The following SOS1 variants were observed in gnomAD, a reference collection of about 807,000 sequenced individuals.
The protein encoded by SOS1 is SOS Ras/Rac guanine nucleotide exchange factor 1, also known as son of sevenless homolog 1.
In SOS1, 25 loss-of-function variants were observed where a neutral mutation model predicts 157.6. The ratio of observed to expected loss-of-function variants is 0.16; its 90% CI spans 0.12 to 0.22. The LOEUF (loss-of-function observed/expected upper bound fraction) is 0.22. SOS1 is among the 10% of genes least tolerant of loss of function. SOS1 has a pLI of 1.00. For synonymous variants in SOS1, 528 were observed against 534.0 expected (o/e 0.99, Z 0.16); for missense variants, 1,237 against 1,599.1 (o/e 0.77, Z 3.86).
intron 1 of SOS1, among the ~76,000 whole-genome samples, chr2:39,092,103 T>G (rs769253587): frequency 6.6e-6 from 1 of 152,220 alleles, no homozygotes; most frequent in Non-Finnish European, 1.5e-5. Flanking sequence ...CTATCACTAG[T>G]GCTAAAGCCC....
At chr2:39,065,086 C>A (rs1021566261) in intron 2 of SOS1, among the ~76,000 whole-genome samples, 1 of 151,892 alleles carries the variant, frequency 6.6e-6, no homozygotes, top group Non-Finnish European at 1.5e-5. Flanking sequence ...ATGTGACCCT[C>A]AAAACTTAAG....
In SOS1 at chr2:39,062,652, G is replaced by A. The variant is rs187831083; in HGVS notation, c.214-3848C>T. Among the ~76,000 whole-genome samples the A allele has an allele frequency of 1.3e-4, 19 of 149,510 alleles. No homozygotes were observed. The East Asian group carries it at 3.5e-3, about 28-fold the overall frequency. ...GAAAAGAAAAATGTATCACTGTCCTGAGAAATCAAAGCTGGTTAAATATAG... is the reference window on the plus strand; with the variant it reads ...GAAAAGAAAAATGTATCACTGTCCTAAGAAATCAAAGCTGGTTAAATATAG... On this transcript the variant is annotated intron_variant, in intron 2 of 22. Transcript: ENST00000402219.
intron 4 of SOS1, among the ~76,000 whole-genome samples, chr2:39,056,428 A>AAAAGAAAAGAAATTAAC (rs1671215136): frequency 6.6e-6 from 1 of 152,222 alleles, no homozygotes; most frequent in Non-Finnish European, 1.5e-5. Flanking sequence ...AAAAAAAGAA[A>AAAAGAAAAGAAATTAAC]AAAGAAAAGA....
intron 1 of SOS1, among the ~76,000 whole-genome samples, chr2:39,087,168 T>TC (rs746342321): frequency 1.3e-5 from 2 of 152,162 alleles, no homozygotes; most frequent in Non-Finnish European, 2.9e-5. Flanking sequence ...AGAGGCCGCT[T>TC]CAATGCAAGG....
In SOS1 at chr2:39,058,730, C is replaced by T. The variant is rs1420865527; in HGVS notation, c.288G>A (p.Lys96=). ...AIADAQSAIE[K]RKRRNPLSLP... Reference sequence around the variant, plus strand: ...GAGATAAAGGGTTTCTTCGCTTCCTCTTTTCAATAGCTGATTGGGCATCAG... The same window carrying T: ...GAGATAAAGGGTTTCTTCGCTTCCTTTTTTCAATAGCTGATTGGGCATCAG... The change falls in exon 3 of 23, where the codon AAG becomes AAA. Residue 96 remains lysine (K), a synonymous_variant. Coordinates refer to ENST00000402219, the MANE Select transcript of SOS1 (RefSeq NM_005633.4). 2 of 1,612,732 alleles carry T rather than the reference C, an allele frequency of 1.2e-6. No homozygotes were observed. The highest frequency in any genetic ancestry group is 1.7e-6 in the Non-Finnish European group (2 of 1,179,022).
At chr2:38,999,312 G>A (rs1669010262) in intron 17 of SOS1, among the ~76,000 whole-genome samples, 1 of 152,168 alleles carries the variant, frequency 6.6e-6, no homozygotes, top group Non-Finnish European at 1.5e-5. Context: ...AAGAGTGGCA[G>A]GATATGAGGA....
Position 39,054,758 on chromosome 2 carries a change from CTCT to C in SOS1, c.573_575del (p.Glu192del), listed in dbSNP as rs1671145269. On this transcript the variant is annotated inframe_deletion, in exon 5 of 23. Transcript: ENST00000402219. ...AAGTTTGTTCTCCTGAGGTGGAAGG[CTCT>C]TCGTCAGTTAAAGATAATATATTAA... 1 of 1,591,614 alleles carries C rather than the reference CTCT, an allele frequency of 6.3e-7. No homozygotes were observed. Among genetic ancestry groups the C allele is most frequent in the African/African-American group, 1.3e-5 (1 of 74,432 alleles).
At chr2:39,053,966 C>T (rs59988245) in intron 5 of SOS1, among the ~76,000 whole-genome samples, 5,351 of 151,456 alleles carry the variant, frequency 0.035, 296 homozygotes, top group African/African-American at 0.11. Flanking sequence ...CTCGCTCTGT[C>T]GCCCAGGCTG....
chr2:39,007,840 C>T (rs536344479), intron 15 of SOS1, among the ~76,000 whole-genome samples: 20 of 152,220 alleles, frequency 1.3e-4, no homozygotes, highest in Admixed American at 1.1e-3. Flanking sequence ...CACATGCACA[C>T]GCACACACAC....
At chr2:39,064,352 G>T (rs992076614) in intron 2 of SOS1, among the ~76,000 whole-genome samples, 2 of 152,134 alleles carry the variant, frequency 1.3e-5, no homozygotes, top group East Asian at 3.9e-4. Context: ...ACCACAGTGG[G>T]GTTTAGGTTT....
At chr2:39,019,618 G>C (rs1439286503) in intron 10 of SOS1, among the ~76,000 whole-genome samples, 2 of 151,576 alleles carry the variant, frequency 1.3e-5, no homozygotes, top group Non-Finnish European at 1.5e-5. Flanking sequence ...AGACCCTGTT[G>C]CAATCTTTTA....
At chr2:39,056,537 C>A (rs111867740) in intron 4 of SOS1, among the ~76,000 whole-genome samples, 165 bp downstream of exon 4, 1 of 152,102 alleles carries the variant, frequency 6.6e-6, no homozygotes, top group East Asian at 1.9e-4. Flanking sequence ...TATTATATAT[C>A]TAATGTCTTA....
intron 6 of SOS1, among the ~76,000 whole-genome samples, chr2:39,050,064 T>C (rs1185591690): frequency 2.6e-5 from 4 of 152,228 alleles, no homozygotes; most frequent in Non-Finnish European, 5.9e-5. Context: ...TTTTTCTTTT[T>C]ATACTTTATT....
At chr2:39,003,215 CAG>C (rs1258225247) in intron 17 of SOS1, among the ~76,000 whole-genome samples, 4 of 151,618 alleles carry the variant, frequency 2.6e-5, no homozygotes, top group Non-Finnish European at 5.9e-5. Flanking sequence ...TAAGTGAAAA[CAG>C]AAATGAGAAA....
Position 39,106,153 on chromosome 2 carries a change from G to C in SOS1, c.87+14183C>G, listed in dbSNP as rs181480441. Among the ~76,000 whole-genome samples, 208 of 150,306 alleles carry C rather than the reference G, an allele frequency of 1.4e-3. 1 individual carries two copies. Among genetic ancestry groups the C allele is most frequent in the African/African-American group, 4.7e-3 (190 of 40,730 alleles). On this transcript the variant is annotated intron_variant, in intron 1 of 22. Coordinates refer to ENST00000402219, the MANE Select transcript of SOS1 (RefSeq NM_005633.4). ...GAGGTTCACTTGAGCCTAGAAGGTG[G>C]AGGCTGCAGTGAGCTGAGACTGTGC...
chr2:38,993,277 A>T (rs1308921996), intron 20 of SOS1: 1 of 152,312 alleles, frequency 6.6e-6, no homozygotes, highest in Non-Finnish European at 1.5e-5. Context: ...CTCCCACTTC[A>T]GCCTCCCAAG....
At chr2:39,096,693 GGC>G (rs1242820130) in intron 1 of SOS1, among the ~76,000 whole-genome samples, 1 of 152,064 alleles carries the variant, frequency 6.6e-6, no homozygotes, top group Non-Finnish European at 1.5e-5. Flanking sequence ...AGACCATCTT[GGC>G]TAACATGGTG....
intron 1 of SOS1, among the ~76,000 whole-genome samples, chr2:39,069,536 A>T (rs1671725216): frequency 6.6e-6 from 1 of 152,136 alleles, no homozygotes; most frequent in South Asian, 2.1e-4. Context: ...ATGAGCTTTA[A>T]AACAAAACTT....
At chr2:39,054,969 A>G (rs1487505463) in intron 4 of SOS1, 146 bp from the exon 5 acceptor site, 2 of 615,776 alleles carry the variant, frequency 3.2e-6, no homozygotes, top group East Asian at 5.6e-5. Context: ...TATTGCCAGC[A>G]TCCCTCCACA....
Sources: gnomAD v4.1 joint callset for allele counts (sites outside exome capture counted in the v4.1 genomes callset) on GRCh38, gnomAD v4.1.1 for gene constraint, MANE v1.5 for transcripts, NCBI Gene and HGNC (gene_info 2026-07-23, HGNC 2026-07-21) for gene names.